The following TMEM272 variants were observed in gnomAD, a reference collection of about 807,000 sequenced individuals.
TMEM272 encodes transmembrane protein 272.
TMEM272 carries 8 observed loss-of-function variants against 3.7 expected under a neutral mutation model. The ratio of observed to expected loss-of-function variants is 2.17; its 90% confidence interval spans 1.27 to 3.91. The LOEUF is 3.91. Among genes scored for constraint, TMEM272 ranks in the 30% most tolerant of loss-of-function variants. The pLI is 0.00. For missense variants in TMEM272, 166 were observed against 91.5 expected (o/e 1.81, Z -3.32); for synonymous variants, 63 against 39.8 (o/e 1.58, Z -2.20).
chr13:51,822,159 G>C lies in TMEM272; in HGVS notation c.119-22C>G, dbSNP rs1030461352. 4 of 679,404 alleles carry C rather than the reference G, an allele frequency of 5.9e-6. No homozygotes were observed. The African/African-American group carries it at 7.2e-5, about 12-fold the overall frequency. The allele number at this position is 679,404 out of a possible 1,614,324, so 42.1% of individuals were successfully genotyped here. ...ATTCCTACATAGGGCAAACAGAAGA[G>C]GATTGAGAGAAATACATTCGAGAGC... On this transcript the variant is annotated intron_variant, in intron 3 of 4. Coordinates refer to ENST00000629372, the MANE Select transcript of TMEM272 (RefSeq NM_001351003.2).
chr13:51,912,187 A>G, the TMEM272 span, among the ~76,000 whole-genome samples: 3 of 152,214 alleles, frequency 2.0e-5, no homozygotes, highest in Admixed American at 2.0e-4. Context: ...AAAAGGGCCA[A>G]GATGCGGTGG....
the TMEM272 span, among the ~76,000 whole-genome samples, chr13:51,918,313 T>C: frequency 5.9e-5 from 9 of 152,212 alleles, no homozygotes; most frequent in Admixed American, 3.9e-4. Context: ...AAGTCATCTG[T>C]AACATTTAAT....
At chr13:51,873,759 C>T in the TMEM272 span, among the ~76,000 whole-genome samples, 1 of 152,170 alleles carries the variant, frequency 6.6e-6, no homozygotes, top group South Asian at 2.1e-4. Context: ...CTTTCCTGAC[C>T]TCGCGATCCT....
the TMEM272 span, among the ~76,000 whole-genome samples, chr13:51,912,455 T>C: frequency 2.6e-5 from 4 of 152,210 alleles, no homozygotes; most frequent in Non-Finnish European, 4.4e-5. Context: ...CTCGGGAAAC[T>C]GATCTCTTAC....
the TMEM272 span, among the ~76,000 whole-genome samples, chr13:51,867,816 G>A: frequency 1.3e-5 from 2 of 152,098 alleles, no homozygotes; most frequent in Admixed American, 6.5e-5. Flanking sequence ...GAGAGAATTC[G>A]ATTTCAAGAG....
the TMEM272 span, among the ~76,000 whole-genome samples, chr13:51,864,160 C>A: frequency 6.7e-6 from 1 of 150,256 alleles, no homozygotes; most frequent in African/African-American, 2.5e-5. Context: ...TTCCTCCCAG[C>A]TTTTATTTTA....
the TMEM272 span, among the ~76,000 whole-genome samples, chr13:51,864,046 T>C: frequency 3.0e-4 from 45 of 152,142 alleles, no homozygotes; most frequent in African/African-American, 1.0e-3. Context: ...CTCAGATATA[T>C]GGCAATGTTT....
upstream of TMEM272, among the ~76,000 whole-genome samples, chr13:51,847,758 C>T (rs905991883): frequency 7.2e-5 from 11 of 152,098 alleles, no homozygotes; most frequent in African/African-American, 2.4e-4. Context: ...CTGGCCTGGA[C>T]GTGGCCAAAA....
chr13:51,922,335 T>C, the TMEM272 span, among the ~76,000 whole-genome samples: 1 of 152,254 alleles, frequency 6.6e-6, no homozygotes, highest in Admixed American at 6.5e-5. Flanking sequence ...AAGTCTTGGG[T>C]GGGCGTGGCC....
the TMEM272 span, among the ~76,000 whole-genome samples, chr13:51,923,535 C>A: frequency 6.6e-6 from 1 of 152,150 alleles, no homozygotes; most frequent in Non-Finnish European, 1.5e-5. Flanking sequence ...TGGAAAGTGC[C>A]GGCAGCCACT....
chr13:51,895,444 A>G, the TMEM272 span, among the ~76,000 whole-genome samples: 2,297 of 152,296 alleles, frequency 0.015, 51 homozygotes, highest in Admixed American at 0.069. Flanking sequence ...CAGTGGCTCA[A>G]GTCAGATTCT....
the TMEM272 span, among the ~76,000 whole-genome samples, chr13:51,885,978 C>T: frequency 6.6e-6 from 1 of 152,198 alleles, no homozygotes; most frequent in Non-Finnish European, 1.5e-5. Context: ...ACTTTGAGGT[C>T]ATGATGTTTC....
At chr13:51,824,439 T>C (rs1334968152) in intron 3 of TMEM272, among the ~76,000 whole-genome samples, 2 of 152,226 alleles carry the variant, frequency 1.3e-5, no homozygotes, top group Non-Finnish European at 2.9e-5. Flanking sequence ...ACATGCATCA[T>C]CTTGTGCAAC....
At chr13:51,926,646 T>C in the TMEM272 span, among the ~76,000 whole-genome samples, 1 of 118,140 alleles carries the variant, frequency 8.5e-6, no homozygotes, top group African/African-American at 3.3e-5. Context: ...GGTGTGGGTG[T>C]GGGTGTGGGT....
intron 2 of TMEM272, among the ~76,000 whole-genome samples, chr13:51,837,291 G>A (rs1956224079): frequency 6.6e-6 from 1 of 152,142 alleles, no homozygotes; most frequent in Admixed American, 6.5e-5. Flanking sequence ...TGTGTTGGGG[G>A]AGGTGGTGGT....
the TMEM272 span, among the ~76,000 whole-genome samples, chr13:51,878,291 G>A: frequency 3.9e-5 from 6 of 152,206 alleles, no homozygotes; most frequent in South Asian, 8.3e-4. Flanking sequence ...TTAGCCAGGC[G>A]TCGTGGCAGG....
the TMEM272 span, chr13:51,933,415 T>G: frequency 6.6e-6 from 1 of 152,192 alleles, no homozygotes; most frequent in South Asian, 2.1e-4. Flanking sequence ...TGGCAAGTAA[T>G]GGACAATGAA....
the TMEM272 span, among the ~76,000 whole-genome samples, chr13:51,873,594 G>A: frequency 1.3e-5 from 2 of 152,184 alleles, no homozygotes; most frequent in African/African-American, 4.8e-5. Context: ...CACACAGAAC[G>A]TCTCTCACTT....
the TMEM272 span, among the ~76,000 whole-genome samples, chr13:51,864,253 C>T: frequency 4.6e-5 from 7 of 151,900 alleles, no homozygotes; most frequent in African/African-American, 1.2e-4. Flanking sequence ...CACATGAAAC[C>T]GCCACCAAGC....
Sources: gnomAD v4.1 joint callset for allele counts (sites outside exome capture counted in the v4.1 genomes callset) on GRCh38, gnomAD v4.1.1 for gene constraint, MANE v1.5 for transcripts, NCBI Gene and HGNC (gene_info 2026-07-23, HGNC 2026-07-21) for gene names.